The following NELFB variants were observed in gnomAD, a reference collection of about 807,000 sequenced individuals.
The protein encoded by NELFB is negative elongation factor complex member B, also known as negative elongation factor B.
In NELFB, 34 loss-of-function variants were observed where a neutral mutation model predicts 60.2. The observed-to-expected ratio is 0.56, with a 90% CI of 0.43 to 0.75. NELFB has a LOEUF of 0.75. NELFB is among the 30% of genes least tolerant of loss of function. The probability of loss-of-function intolerance (pLI) is 0.00; values close to 1 mark genes in which losing one functional copy is unlikely to be tolerated. For synonymous variants in NELFB, 459 were observed against 382.1 expected (o/e 1.20, Z -2.35); for missense variants, 770 against 831.6 (o/e 0.93, Z 0.91).
intron 10 of NELFB, among the ~76,000 whole-genome samples, chr9:137,271,333 G>GC (rs1306324426): frequency 2.0e-5 from 3 of 152,262 alleles, no homozygotes; most frequent in Admixed American, 2.0e-4. Flanking sequence ...CCTCATAAAG[G>GC]CCCCATCCGG....
At chr9:137,256,167 C>T in intron 2 of NELFB, 97 bp downstream of exon 2, 1 of 1,444,972 alleles carries the variant, frequency 6.9e-7, no homozygotes, top group Non-Finnish European at 9.6e-7. Context: ...GCTCCACATC[C>T]TTGCTCCCAG....
intron 4 of NELFB, among the ~76,000 whole-genome samples, chr9:137,260,730 G>A (rs1235571869): frequency 6.6e-6 from 1 of 151,892 alleles, no homozygotes; most frequent in Non-Finnish European, 1.5e-5. Context: ...TGCAATTACA[G>A]GTGTGAGCCA....
chr9:137,272,730 C>A (rs1830599094), intron 12 of NELFB, 52 bp from the exon 13 acceptor site: 5 of 1,519,716 alleles, frequency 3.3e-6, no homozygotes, highest in Non-Finnish European at 4.4e-6. Context: ...ACCCCTGTGC[C>A]CCCTGGGCCT....
Position 137,267,056 on chromosome 9 carries a change from A to G in NELFB, c.1352A>G (p.Tyr451Cys). The change falls in exon 9 of 13, where the codon TAT (tyrosine) becomes TGT (cysteine). Residue 451 changes from tyrosine (Y) to cysteine (C), a missense_variant. By Grantham distance (194) the Tyr-to-Cys change is radical (BLOSUM62 -2). Transcript: ENST00000343053. ...GCTGAGGAGAAAGCCCCAGTCTCAT[A>G]TCCAAACACACTTCCCGAAAGCTTC... is the stretch of plus-strand genomic sequence containing the variant. 13 of 1,614,074 alleles carry G rather than the reference A, an allele frequency of 8.1e-6. No homozygotes were observed. The highest frequency in any genetic ancestry group is 1.1e-5 in the Non-Finnish European group (13 of 1,180,010).
intron 2 of NELFB, 71 bp downstream of exon 2, chr9:137,256,141 ATTTATTGTCCT>A: frequency 6.5e-7 from 1 of 1,527,618 alleles, no homozygotes; most frequent in Non-Finnish European, 9.0e-7. Context: ...ACTCAGGGGC[ATTTATTGTCCT>A]TTTGGCTCCA....
rs1564444408 is a variant in NELFB, at chr9:137,265,927, T to C, written c.1091T>C (p.Leu364Pro). Residue 364 changes from leucine to proline, a missense_variant, in exon 7 of 13, where the codon CTG becomes CCG. Transcript: ENST00000343053. The stretch of plus-strand genomic sequence containing the variant: ...CCCTTCGCCATCAACACGCTGGCAC[T>C]GAGCACAGTCAGGCACCTGCAGGAG... The C allele has an allele frequency of 1.2e-6, 2 of 1,613,246 alleles. No homozygotes were observed. The highest frequency in any genetic ancestry group is 1.7e-6 in the Non-Finnish European group (2 of 1,179,948).
At chr9:137,272,708 C>A in intron 12 of NELFB, 74 bp from the exon 13 acceptor site, 2 of 1,518,936 alleles carry the variant, frequency 1.3e-6, no homozygotes, top group South Asian at 2.5e-5. Context: ...TGTGTGTGGT[C>A]GGTGGGCACC....
In NELFB at chr9:137,266,486, G is replaced by A; in HGVS notation, c.1239+60G>A. 2.1e-6 allele frequency: 3 copies of A among 1,448,436 alleles called. No homozygotes were observed. The South Asian group carries it at 3.5e-5, about 17-fold the overall frequency. 89.7% of individuals were successfully genotyped at this position (1,448,436 alleles called of 1,614,324 possible). A position where few individuals can be genotyped will look rare whatever the true frequency, so the allele number is the denominator to read the frequency against. On this transcript the variant is annotated intron_variant, in intron 8 of 12. Transcript: ENST00000343053. ...ACGAGGGGTTGTGGGCTGGAAGTGG[G>A]GTGGAGGGGGAGGCGCTAGCAAGGT...
rs1473329938 is a variant in NELFB, at chr9:137,272,810, C to T, written c.1769C>T (p.Ser590Phe). The T allele has an allele frequency of 1.3e-6, 2 of 1,549,830 alleles. No homozygotes were observed. Among genetic ancestry groups the T allele is most frequent in the Non-Finnish European group, 1.7e-6 (2 of 1,146,522 alleles). The change falls in exon 13 of 13, where the codon TCC becomes TTC. Residue 590 changes from serine (S) to phenylalanine (F), a missense_variant. Transcript: ENST00000343053. ...GGAGAGGCAGTGAAGGAGCTTTACT[C>T]CCAGCTCGGCGAGAAGCTGGAACAG...
intron 4 of NELFB, among the ~76,000 whole-genome samples, chr9:137,258,969 G>A (rs944277808): frequency 2.6e-5 from 4 of 152,134 alleles, no homozygotes; most frequent in Non-Finnish European, 4.4e-5. Flanking sequence ...TTTGGGAGGC[G>A]GAGGTGGGAG....
intron 6 of NELFB, 77 bp from the exon 7 acceptor site, chr9:137,265,800 C>A: frequency 1.0e-6 from 1 of 955,276 alleles, no homozygotes; most frequent in Non-Finnish European, 1.7e-6. Flanking sequence ...TCAGCCTAGG[C>A]CACCCCTCCT....
intron 10 of NELFB, 63 bp downstream of exon 10, chr9:137,267,409 G>T (rs1830534817): frequency 6.7e-7 from 1 of 1,484,772 alleles, no homozygotes; most frequent in African/African-American, 1.4e-5. Context: ...ATGCAGTCCT[G>T]CCCAGGGTGC....
At chr9:137,268,956 A>T (rs1830551416) in intron 10 of NELFB, among the ~76,000 whole-genome samples, 1 of 152,192 alleles carries the variant, frequency 6.6e-6, no homozygotes, top group South Asian at 2.1e-4. Flanking sequence ...AAGGGGCCAC[A>T]CTTACCCTTT....
At position 137,267,223 on chromosome 9, in the gene NELFB, T is replaced by A; in HGVS notation, c.1383-17T>A. 1 of 1,586,490 alleles carries A rather than the reference T, an allele frequency of 6.3e-7. No homozygotes were observed. The stretch of plus-strand genomic sequence containing the variant: ...TGAGGTGGGGCTGAGGTGGGGCTGA[T>A]GGCGCCCCGGGCGCAGGTTTCTGCA... On this transcript the variant is annotated splice_polypyrimidine_tract_variant and intron_variant, in intron 9 of 12. Transcript: ENST00000343053.
In NELFB at chr9:137,256,923, C is replaced by G. The variant is rs1426160988; in HGVS notation, c.610C>G (p.Leu204Val). 4.3e-6 allele frequency: 7 copies of G among 1,614,218 alleles called. No homozygotes were observed. The highest frequency in any genetic ancestry group is 5.9e-6 in the Non-Finnish European group (7 of 1,180,052). Residue 204 changes from leucine to valine, a missense_variant, in exon 4 of 13, where the codon CTC (leucine) becomes GTC (valine). By Grantham distance (32) the Leu-to-Val change is conservative. Coordinates refer to ENST00000343053, the MANE Select transcript of NELFB (RefSeq NM_015456.5). ...GCAGATCTGGCAAGACAACCAGGCC[C>G]TCTTCGGGGACGAGGTTTCCCCACT...
intron 4 of NELFB, among the ~76,000 whole-genome samples, chr9:137,259,527 G>C (rs1042907480): frequency 6.6e-6 from 1 of 152,162 alleles, no homozygotes; most frequent in East Asian, 1.9e-4. Flanking sequence ...GCATTTCCCA[G>C]GCCTTTCTCC....
At chr9:137,258,747 G>A (rs779087300) in intron 4 of NELFB, among the ~76,000 whole-genome samples, 10 of 151,924 alleles carry the variant, frequency 6.6e-5, no homozygotes, top group East Asian at 1.9e-4. Context: ...GAGCCACTGC[G>A]CCCGGCCCTA....
In NELFB at chr9:137,255,360, C is replaced by G; in HGVS notation, c.-6C>G. ...GACGCGCGCGGAGTCGCGCGGCGGG[C>G]GGGACCTGGCCGAGCTGGAGGGCGC... On this transcript the variant is annotated 5_prime_UTR_variant, in exon 1 of 13. Coordinates refer to ENST00000343053, the MANE Select transcript of NELFB (RefSeq NM_015456.5). 2.2e-6 allele frequency: 1 copy of G among 458,482 alleles called. No homozygotes were observed. The highest frequency in any genetic ancestry group is 3.4e-6 in the Non-Finnish European group (1 of 292,240). The allele number at this position is 458,482 out of a possible 1,614,324, so 28.4% of individuals were successfully genotyped here.
At chr9:137,256,477 C>T (rs1171916816) in intron 3 of NELFB, 49 bp downstream of exon 3, 1 of 1,545,088 alleles carries the variant, frequency 6.5e-7, no homozygotes, top group Admixed American at 1.7e-5. Flanking sequence ...CGCCCACTCT[C>T]ATGCCCTTGG....
Sources: gnomAD v4.1 joint callset for allele counts (sites outside exome capture counted in the v4.1 genomes callset) on GRCh38, gnomAD v4.1.1 for gene constraint, MANE v1.5 for transcripts, NCBI Gene and HGNC (gene_info 2026-07-23, HGNC 2026-07-21) for gene names.